The following C5orf24 variants were observed in gnomAD, a reference collection of about 807,000 sequenced individuals.
The protein encoded by C5orf24 is chromosome 5 open reading frame 24, also known as UPF0461 protein C5orf24.
A neutral mutation model predicts 9.8 loss-of-function variants in C5orf24; 4 were observed. The ratio of observed to expected loss-of-function variants is 0.41; its 90% CI spans 0.20 to 0.93. The LOEUF (loss-of-function observed/expected upper bound fraction) is 0.93. C5orf24 is among the 40% of genes least tolerant of loss of function. The pLI is 0.33. For synonymous variants in C5orf24, 73 were observed against 81.3 expected (o/e 0.90, Z 0.55); for missense variants, 170 against 236.9 (o/e 0.72, Z 1.85).
At chr5:134,834,761 A>T in the C5orf24 span, among the ~76,000 whole-genome samples, 1 of 152,074 alleles carries the variant, frequency 6.6e-6, no homozygotes, top group African/African-American at 2.4e-5. Flanking sequence ...TATCAAAACT[A>T]CAAGGCCAGG....
At position 134,848,995 on chromosome 5, in the gene C5orf24, C is replaced by T. The variant is rs554249113; in HGVS notation, c.-4+2783C>T. Among the ~76,000 whole-genome samples, 210 of 148,972 alleles carry T rather than the reference C, an allele frequency of 1.4e-3. 2 individuals are homozygous for T. Among genetic ancestry groups the T allele is most frequent in the African/African-American group, 4.7e-3 (192 of 40,634 alleles). Reference sequence around the variant, plus strand: ...AAAAGAGGCTGGGCGCGGTGGCTCACGCCTGTAATCCCAGTACTTTGGGAG... The same window carrying T: ...AAAAGAGGCTGGGCGCGGTGGCTCATGCCTGTAATCCCAGTACTTTGGGAG... On this transcript the variant is annotated intron_variant, in intron 1 of 1. Coordinates refer to ENST00000394976, the MANE Select transcript of C5orf24 (RefSeq NM_001135586.1).
In C5orf24 at chr5:134,846,129, G is replaced by A. The variant is rs1755986277; in HGVS notation, c.-87G>A. 1 of 152,356 alleles carries A rather than the reference G, an allele frequency of 6.6e-6. No homozygotes were observed. Among genetic ancestry groups the A allele is most frequent in the Non-Finnish European group, 1.5e-5 (1 of 68,158 alleles). The allele number at this position is 152,356 out of a possible 1,614,324, so 9.4% of individuals were successfully genotyped here. A position where few individuals can be genotyped will look rare whatever the true frequency, so the allele number is the denominator to read the frequency against. On this transcript the variant is annotated 5_prime_UTR_variant, in exon 1 of 2. Coordinates refer to ENST00000394976, the MANE Select transcript of C5orf24 (RefSeq NM_001135586.1). ...CCGCACCGTGCAGAGGCGGCGGGCT[G>A]GGGAGGGAGCGGCGCCAGCACGAGG...
chr5:134,856,797 A>G lies in C5orf24; in HGVS notation c.*1330A>G. The G allele has an allele frequency of 1.0e-6, 1 of 1,000,228 alleles. No individual in the cohort carries two copies. The highest frequency in any genetic ancestry group is 1.2e-6 in the Non-Finnish European group (1 of 829,912). The allele number at this position is 1,000,228 out of a possible 1,614,324, so 62.0% of individuals were successfully genotyped here. A position where few individuals can be genotyped will look rare whatever the true frequency, so the allele number is the denominator to read the frequency against. On this transcript the variant is annotated 3_prime_UTR_variant, in exon 2 of 2. Coordinates refer to ENST00000394976, the MANE Select transcript of C5orf24 (RefSeq NM_001135586.1). Reference sequence around the variant, plus strand: ...GGTTGATATCTACCAAAGGACACAAATTGAATGGTAGACTGTAAAACTGGT... The same window carrying G: ...GGTTGATATCTACCAAAGGACACAAGTTGAATGGTAGACTGTAAAACTGGT...
intron 1 of C5orf24, among the ~76,000 whole-genome samples, chr5:134,851,339 A>T (rs1441152590): frequency 6.6e-6 from 1 of 152,338 alleles, no homozygotes; most frequent in Middle Eastern, 3.4e-3. Context: ...GAGGCTAAAA[A>T]GGTGAATAAA....
the C5orf24 span, among the ~76,000 whole-genome samples, chr5:134,839,100 C>T: frequency 6.6e-6 from 1 of 151,490 alleles, no homozygotes; most frequent in Non-Finnish European, 1.5e-5. Context: ...ACTTGGGAGG[C>T]TGAGGTTGGA....
At position 134,852,414 on chromosome 5, in the gene C5orf24, A is replaced by G. The variant is rs368051000; in HGVS notation, c.-3-2484A>G. 1.6e-4 allele frequency among the ~76,000 whole-genome samples: 24 copies of G among 152,338 alleles called. No homozygotes were observed. In the East Asian group the frequency reaches 3.9e-3, roughly 24 times the overall value. Reference sequence around the variant, plus strand: ...ATTGAGACTTTAAGCCAGCTTGCCAATTGCTCTGTTGATTCTCAGCAAATG... The same window carrying G: ...ATTGAGACTTTAAGCCAGCTTGCCAGTTGCTCTGTTGATTCTCAGCAAATG... On this transcript the variant is annotated intron_variant, in intron 1 of 1. Transcript: ENST00000394976.
In C5orf24 at chr5:134,856,716, C is replaced by T. The variant is rs1265943474; in HGVS notation, c.*1249C>T. On this transcript the variant is annotated 3_prime_UTR_variant, in exon 2 of 2. Coordinates refer to ENST00000394976, the MANE Select transcript of C5orf24 (RefSeq NM_001135586.1). ...ATTGATGTTGCTCATTTATTTGGAA[C>T]GTTTTTAGTTTTTCTCAGAAATTGT... The T allele has an allele frequency of 8.0e-6, 8 of 993,878 alleles. No homozygotes were observed. The highest frequency in any genetic ancestry group is 8.5e-6 in the Non-Finnish European group (7 of 824,630). 61.6% of individuals were successfully genotyped at this position (993,878 alleles called of 1,614,324 possible).
the C5orf24 span, among the ~76,000 whole-genome samples, chr5:134,840,099 G>C: frequency 6.6e-6 from 1 of 152,090 alleles, no homozygotes; most frequent in East Asian, 1.9e-4. Context: ...ATGAGGTCAG[G>C]AGATCGAGAC....
upstream of C5orf24, among the ~76,000 whole-genome samples, chr5:134,842,210 C>T (rs918389747): frequency 2.0e-5 from 3 of 152,108 alleles, no homozygotes; most frequent in East Asian, 5.8e-4. Flanking sequence ...AATAAGTTGG[C>T]TGCACACGGT....
the C5orf24 span, among the ~76,000 whole-genome samples, chr5:134,833,861 CTT>C: frequency 1.3e-4 from 20 of 152,038 alleles, no homozygotes; most frequent in Non-Finnish European, 2.8e-4. Flanking sequence ...GAGGAATTTA[CTT>C]TTGATTATTT....
chr5:134,851,246 C>G (rs921899259), intron 1 of C5orf24, among the ~76,000 whole-genome samples: 1 of 152,020 alleles, frequency 6.6e-6, no homozygotes, highest in Non-Finnish European at 1.5e-5. Flanking sequence ...TTTACTAATT[C>G]TGGCATTTGC....
intron 1 of C5orf24, among the ~76,000 whole-genome samples, chr5:134,849,694 G>C (rs1268729539): frequency 1.8e-5 from 2 of 110,554 alleles, no homozygotes; most frequent in East Asian, 3.1e-4. Flanking sequence ...GTCTCACTCT[G>C]TTGCCCAGCC....
intron 1 of C5orf24, among the ~76,000 whole-genome samples, chr5:134,851,035 T>TA: frequency 6.6e-6 from 1 of 151,130 alleles, no homozygotes; most frequent in African/African-American, 2.4e-5. Flanking sequence ...TTTATTTATT[T>TA]TTGTTACCCT....
the C5orf24 span, among the ~76,000 whole-genome samples, chr5:134,836,555 T>C: frequency 6.6e-6 from 1 of 152,080 alleles, no homozygotes; most frequent in Non-Finnish European, 1.5e-5. Context: ...TTGTTTTTGC[T>C]TTTTTTGAGA....
At chr5:134,834,899 G>T in the C5orf24 span, among the ~76,000 whole-genome samples, 2 of 152,110 alleles carry the variant, frequency 1.3e-5, no homozygotes, top group Non-Finnish European at 2.9e-5. Context: ...AAAAAAATTA[G>T]CCGGTGTAGT....
chr5:134,841,943 T>C (rs2150169913), upstream of C5orf24, among the ~76,000 whole-genome samples: 1 of 152,304 alleles, frequency 6.6e-6, no homozygotes, highest in South Asian at 2.1e-4. Context: ...ACTAACTTTG[T>C]GCAATGTGAG....
At chr5:134,846,694 G>C (rs750943149) in intron 1 of C5orf24, 1 of 152,148 alleles carries the variant, frequency 6.6e-6, no homozygotes. Context: ...TAAACGCCTC[G>C]TGTCAAAATA....
chr5:134,844,472 G>A (rs1409568993), upstream of C5orf24, among the ~76,000 whole-genome samples: 1 of 152,072 alleles, frequency 6.6e-6, no homozygotes, highest in Non-Finnish European at 1.5e-5. Flanking sequence ...AGCCTCCGTA[G>A]CAGCTGGCAC....
At chr5:134,840,698 ATTTT>A (rs561246916), upstream of C5orf24, among the ~76,000 whole-genome samples, 1 of 143,990 alleles carries the variant, frequency 6.9e-6, no homozygotes, top group Non-Finnish European at 1.5e-5. Flanking sequence ...CATGCCTGGC[ATTTT>A]TTTTTTTTCT....
Sources: gnomAD v4.1 joint callset for allele counts (sites outside exome capture counted in the v4.1 genomes callset) on GRCh38, gnomAD v4.1.1 for gene constraint, MANE v1.5 for transcripts, NCBI Gene and HGNC (gene_info 2026-07-23, HGNC 2026-07-21) for gene names.